The following RCBTB2 variants were observed in gnomAD, a reference collection of about 807,000 sequenced individuals.
RCBTB2 encodes RCC1 and BTB domain-containing protein 2.
In RCBTB2, 55 loss-of-function variants were observed where a neutral mutation model predicts 65.4. The ratio of observed to expected loss-of-function variants is 0.84; its 90% CI spans 0.68 to 1.05. The LOEUF is 1.05. RCBTB2 is among the 50% of genes least tolerant of loss of function. The pLI is 0.00. For missense variants in RCBTB2, 599 were observed against 680.1 expected, an observed-to-expected ratio of 0.88 and a Z score of 1.33; for synonymous variants, 220 against 255.2, an observed-to-expected ratio of 0.86 and a Z score of 1.31.
chr13:48,495,542 C>T (rs1949931049), intron 14 of RCBTB2, among the ~76,000 whole-genome samples: 1 of 152,182 alleles, frequency 6.6e-6, no homozygotes, highest in Non-Finnish European at 1.5e-5. Flanking sequence ...ACCTTTGAAG[C>T]TAAGTCTTTG....
At chr13:48,518,476 T>A (rs550348440) in intron 4 of RCBTB2, among the ~76,000 whole-genome samples, 205 of 134,300 alleles carry the variant, frequency 1.5e-3, no homozygotes, top group East Asian at 2.4e-3. Flanking sequence ...AAAAAAAATA[T>A]ATATATATAT....
Position 48,493,285 on chromosome 13 carries a change from CT to C in RCBTB2, c.1515+2905del, listed in dbSNP as rs1291787610. On this transcript the variant is annotated intron_variant, in intron 14 of 14. Transcript: ENST00000344532. ...CTCTTCTCTCTCTCACCCTCTCTCT[CT>C]CTCCACACACACACACACACACACA... 5.2e-4 allele frequency among the ~76,000 whole-genome samples: 61 copies of C among 117,856 alleles called. 3 individuals carry two copies. The highest frequency in any genetic ancestry group is 2.8e-3 in the African/African-American group (59 of 21,044). The allele number at this position is 117,856 out of a possible 152,430, so 77.3% of individuals were successfully genotyped here.
intron 10 of RCBTB2, among the ~76,000 whole-genome samples, chr13:48,505,524 T>G (rs536323361): frequency 6.6e-6 from 1 of 152,172 alleles, no homozygotes. Flanking sequence ...ATCATTCTTT[T>G]CAACAAATAA....
At chr13:48,494,185 C>T (rs999050995) in intron 14 of RCBTB2, among the ~76,000 whole-genome samples, 2 of 152,160 alleles carry the variant, frequency 1.3e-5, no homozygotes, top group Non-Finnish European at 2.9e-5. Flanking sequence ...GAAACATGAA[C>T]TGTGCTTAGA....
In RCBTB2 at chr13:48,512,910, A is replaced by C; in HGVS notation, c.350-15T>G. 6.3e-7 allele frequency: 1 copy of C among 1,597,914 alleles called. No homozygotes were observed. The highest frequency in any genetic ancestry group is 1.1e-5 in the South Asian group (1 of 89,388). ...GACTTCTCCTTCTGAAAATAAAAAG[A>C]AAGACAATCAGTTTTTTACAACATC... On this transcript the variant is annotated splice_polypyrimidine_tract_variant and intron_variant, in intron 6 of 14. Coordinates refer to ENST00000344532, the MANE Select transcript of RCBTB2 (RefSeq NM_001268.4).
intron 4 of RCBTB2, among the ~76,000 whole-genome samples, chr13:48,518,834 T>C (rs747607880): frequency 1.8e-4 from 27 of 152,174 alleles, no homozygotes; most frequent in Admixed American, 3.3e-4. Flanking sequence ...TACTTTAAAT[T>C]ACCCCACCAC....
chr13:48,522,001 G>C (rs1440196845), intron 3 of RCBTB2, 39 bp from the exon 4 acceptor site: 10 of 1,557,822 alleles, frequency 6.4e-6, no homozygotes, highest in East Asian at 2.2e-5. Flanking sequence ...GATCCCTTAT[G>C]TTCGATGGAA....
chr13:48,496,702 A>T (rs1276777855), intron 13 of RCBTB2, among the ~76,000 whole-genome samples: 1 of 150,844 alleles, frequency 6.6e-6, no homozygotes, highest in Non-Finnish European at 1.5e-5. Context: ...CGTGAAAAGA[A>T]AGAAAAGAAA....
At position 48,499,696 on chromosome 13, in the gene RCBTB2, A is replaced by C. The variant is rs1950145986; in HGVS notation, c.1309T>G (p.Ser437Ala). The change falls in exon 13 of 15, where the codon TCA becomes GCA. Residue 437 changes from serine to alanine, a missense_variant. Physicochemically the swap from Ser to Ala is moderately conservative, Grantham distance 99. Coordinates refer to ENST00000344532, the MANE Select transcript of RCBTB2 (RefSeq NM_001268.4). ...EDDIVEMSEF[S>A]YPVYRAFLEY... The stretch of plus-strand genomic sequence containing the variant: ...AGGAAGGCCCGGTAAACAGGATATG[A>C]AAATTCACTCATTTCTACAATATCA... 6.2e-7 allele frequency: 1 copy of C among 1,614,210 alleles called. No individual in the cohort carries two copies.
intron 10 of RCBTB2, among the ~76,000 whole-genome samples, chr13:48,508,799 C>T (rs1950633278): frequency 2.0e-5 from 3 of 152,204 alleles, no homozygotes; most frequent in Admixed American, 1.3e-4. Flanking sequence ...AGCAACTTGG[C>T]ACTCACACAG....
At position 48,511,754 on chromosome 13, in the gene RCBTB2, C is replaced by G; in HGVS notation, c.783+16G>C. 1 of 1,603,410 alleles carries G rather than the reference C, an allele frequency of 6.2e-7. No homozygotes were observed. The highest frequency in any genetic ancestry group is 8.5e-7 in the Non-Finnish European group (1 of 1,174,390). The stretch of plus-strand genomic sequence containing the variant: ...AGACTTAAAAATACACGCACACAAA[C>G]TGACAGTGGACGTACCCTCTGGACA... On this transcript the variant is annotated intron_variant, in intron 9 of 14. Transcript: ENST00000344532.
At chr13:48,505,130 C>T (rs578254011) in intron 10 of RCBTB2, among the ~76,000 whole-genome samples, 28 of 150,140 alleles carry the variant, frequency 1.9e-4, no homozygotes, top group Non-Finnish European at 3.7e-4. Context: ...CACTAGGCTG[C>T]GTGACTAGCA....
intron 1 of RCBTB2, among the ~76,000 whole-genome samples, chr13:48,525,481 G>C (rs1951677170): frequency 2.1e-5 from 3 of 146,274 alleles, no homozygotes; most frequent in Non-Finnish European, 3.0e-5. Flanking sequence ...TCCTACATGA[G>C]ATGCTTGATA....
chr13:48,490,062 G>C lies in RCBTB2; in HGVS notation c.*49C>G. ...ATTAAAGAGAAGTGATTCATCTCTG[G>C]CTTTTGCAGGGGAAATGGAAAGGCT... On this transcript the variant is annotated 3_prime_UTR_variant, in exon 15 of 15. Transcript: ENST00000344532. The C allele has an allele frequency of 6.2e-7, 1 of 1,601,062 alleles. No homozygotes were observed. Among genetic ancestry groups the C allele is most frequent in the Non-Finnish European group, 8.6e-7 (1 of 1,168,816 alleles).
At chr13:48,527,339 T>TATATATATATATATATC (rs1195644739) in intron 1 of RCBTB2, among the ~76,000 whole-genome samples, 37 of 118,004 alleles carry the variant, frequency 3.1e-4, no homozygotes, top group Non-Finnish European at 4.3e-4. Flanking sequence ...ATATATATGA[T>TATATATATATATATATC]ATATATATAT....
intron 10 of RCBTB2, among the ~76,000 whole-genome samples, chr13:48,508,942 A>C (rs1339868804): frequency 6.6e-6 from 1 of 152,212 alleles, no homozygotes; most frequent in Non-Finnish European, 1.5e-5. Flanking sequence ...CCAGCAGTGC[A>C]ATGCAGCAAG....
At chr13:48,511,284 T>C (rs1950781206) in intron 9 of RCBTB2, among the ~76,000 whole-genome samples, 1 of 152,294 alleles carries the variant, frequency 6.6e-6, no homozygotes, top group Non-Finnish European at 1.5e-5. Context: ...TCCATGTCAT[T>C]AAAAATTCTT....
At chr13:48,526,976 G>A (rs148787709) in intron 1 of RCBTB2, among the ~76,000 whole-genome samples, 1 of 152,022 alleles carries the variant, frequency 6.6e-6, no homozygotes, top group Non-Finnish European at 1.5e-5. Context: ...CATATCCAAT[G>A]AGTAGCATTT....
chr13:48,510,606 G>T, intron 10 of RCBTB2, 23 bp downstream of exon 10: 1 of 1,612,504 alleles, frequency 6.2e-7, no homozygotes, highest in Non-Finnish European at 8.5e-7. Flanking sequence ...CCAGTGTGGG[G>T]ACTGTGAAAA....
Sources: allele counts gnomAD v4.1 joint callset (sites outside exome capture counted in the v4.1 genomes callset), GRCh38; gene constraint gnomAD v4.1.1; transcripts MANE v1.5; gene names NCBI Gene and HGNC (gene_info 2026-07-23, HGNC 2026-07-21).